ZC3H12C: variants seen among roughly 807,000 people sequenced by gnomAD.
ZC3H12C encodes probable ribonuclease ZC3H12C.
A neutral mutation model predicts 76.3 loss-of-function variants in ZC3H12C; 20 were observed. That is an observed-to-expected ratio of 0.26 (90% CI 0.18 to 0.38). ZC3H12C has a LOEUF of 0.38. ZC3H12C is among the 10% of genes least tolerant of loss of function. The probability of loss-of-function intolerance (pLI) is 1.00; values close to 1 mark genes in which losing one functional copy is unlikely to be tolerated. For synonymous variants in ZC3H12C, 352 were observed against 399.6 expected, an observed-to-expected ratio of 0.88 and a Z score of 1.42; for missense variants, 874 against 1,086.5, an observed-to-expected ratio of 0.80 and a Z score of 2.75.
chr11:110,104,416 T>C (rs1861281255), intron 1 of ZC3H12C, among the ~76,000 whole-genome samples: 1 of 152,210 alleles, frequency 6.6e-6, no homozygotes, highest in Non-Finnish European at 1.5e-5. Flanking sequence ...GTCTCCTTGA[T>C]GTTAGCTGTT....
chr11:110,124,561 C>A (rs1845847696), intron 1 of ZC3H12C, among the ~76,000 whole-genome samples: 1 of 152,184 alleles, frequency 6.6e-6, no homozygotes, highest in Non-Finnish European at 1.5e-5. Flanking sequence ...GCAATAAAAA[C>A]CGAACTAGTC....
Position 110,136,912 on chromosome 11 carries a change from G to A in ZC3H12C, c.271G>A (p.Glu91Lys), listed in dbSNP as rs758720104. 11 of 1,613,554 alleles carry A rather than the reference G, an allele frequency of 6.8e-6. No individual in the cohort carries two copies. In the Admixed American group the frequency reaches 1.8e-4, roughly 27 times the overall value. ...AGAGAATGCAAGCTCTGGTGACTCT[G>A]AAGAAAACACAAATTCTGATCATGA... ...SEENASSGDS[E>K]ENTNSDHESE... The change falls in exon 2 of 6, where the codon GAA (glutamate) becomes AAA (lysine). Residue 91 changes from glutamate to lysine, a missense_variant. Physicochemically the swap from Glu to Lys is moderately conservative, Grantham distance 56. Coordinates refer to ENST00000278590, the MANE Select transcript of ZC3H12C (RefSeq NM_033390.2).
At chr11:110,126,191 T>TAGGAAA (rs1345779155) in intron 1 of ZC3H12C, among the ~76,000 whole-genome samples, 1 of 150,822 alleles carries the variant, frequency 6.6e-6, no homozygotes, top group Non-Finnish European at 1.5e-5. Context: ...AGGATTTGAA[T>TAGGAAA]AGGAAAAGTA....
intron 1 of ZC3H12C, among the ~76,000 whole-genome samples, chr11:110,116,346 T>C (rs11213273): frequency 0.044 from 6,763 of 152,306 alleles, 472 homozygotes; most frequent in Admixed American, 0.18. Flanking sequence ...TTTTCCAAAC[T>C]AAATGTTATT....
intron 1 of ZC3H12C, 142 bp downstream of exon 1, chr11:110,093,574 C>T (rs1175566590): frequency 3.9e-5 from 21 of 539,402 alleles, no homozygotes; most frequent in East Asian, 5.7e-5. Context: ...CGTGTGATCT[C>T]CAGGCCCAGG....
At chr11:110,106,625 A>C (rs1861334368) in intron 1 of ZC3H12C, among the ~76,000 whole-genome samples, 1 of 152,224 alleles carries the variant, frequency 6.6e-6, no homozygotes, top group Non-Finnish European at 1.5e-5. Context: ...TATATATCGA[A>C]GCACTTAAAT....
At chr11:110,113,454 AAG>A (rs140529755) in intron 1 of ZC3H12C, among the ~76,000 whole-genome samples, 6,807 of 152,280 alleles carry the variant, frequency 0.045, 476 homozygotes, top group Admixed American at 0.18. Context: ...TGTTAGTAAA[AAG>A]CACATATTTT....
In ZC3H12C at chr11:110,136,837, C is replaced by T. The variant is rs772607446; in HGVS notation, c.196C>T (p.Pro66Ser). The T allele has an allele frequency of 2.5e-6, 4 of 1,613,782 alleles. No homozygotes were observed. The highest frequency in any genetic ancestry group is 1.7e-5 in the Admixed American group (1 of 59,974). ...TGTACCTTGGTCAACAGTAGAAAAC[C>T]CAAGTATGGATACCGTTAATGTGGG... The part of the protein sequence containing the change: ...PAVPWSTVEN[P>S]SMDTVNVGKD... Residue 66 changes from proline (P) to serine (S), a missense_variant, in exon 2 of 6, where the codon CCA becomes TCA. Transcript: ENST00000278590.
chr11:110,127,093 T>G (rs1301169527), intron 1 of ZC3H12C, among the ~76,000 whole-genome samples: 1 of 152,182 alleles, frequency 6.6e-6, no homozygotes, highest in African/African-American at 2.4e-5. Flanking sequence ...GTGGCATGGT[T>G]TCATGGACAG....
At chr11:110,093,685 C>T (rs984483576) in intron 1 of ZC3H12C, among the ~76,000 whole-genome samples, 3 of 152,032 alleles carry the variant, frequency 2.0e-5, no homozygotes, top group Non-Finnish European at 4.4e-5. Flanking sequence ...CCGTCCCCGC[C>T]GGGATTTCGG....
intron 1 of ZC3H12C, among the ~76,000 whole-genome samples, chr11:110,094,612 T>C (rs1219620768): frequency 6.6e-6 from 1 of 152,240 alleles, no homozygotes; most frequent in Non-Finnish European, 1.5e-5. Flanking sequence ...TTTAATCACA[T>C]GTACAATTAA....
At chr11:110,117,665 C>CAT (rs1309815719) in intron 1 of ZC3H12C, among the ~76,000 whole-genome samples, 5 of 141,562 alleles carry the variant, frequency 3.5e-5, no homozygotes, top group Admixed American at 7.4e-5. Flanking sequence ...CACACACACA[C>CAT]ATATATATAT....
intron 1 of ZC3H12C, among the ~76,000 whole-genome samples, chr11:110,116,633 T>C (rs527450462): frequency 2.6e-5 from 4 of 152,330 alleles, no homozygotes; most frequent in African/African-American, 7.2e-5. Context: ...CAATCAGGTT[T>C]TCTATTTTTC....
chr11:110,119,673 G>C (rs1228533616), intron 1 of ZC3H12C, among the ~76,000 whole-genome samples: 2 of 152,062 alleles, frequency 1.3e-5, no homozygotes, highest in Non-Finnish European at 2.9e-5. Context: ...GAAATGTATT[G>C]CTCACAGTTC....
chr11:110,165,597 C>G lies in ZC3H12C; in HGVS notation c.2512C>G (p.Arg838Gly), dbSNP rs1268886207. The change falls in exon 6 of 6, where the codon CGA becomes GGA. Residue 838 changes from arginine (R) to glycine (G), a missense_variant. This residue lies in a region of ZC3H12C where 395 missense variants were observed against 434.4 expected (regional missense o/e 0.91). Coordinates refer to ENST00000278590, the MANE Select transcript of ZC3H12C (RefSeq NM_033390.2). ...AGATCCCCCGAGGTATCAAGACAAC[C>G]GAGAAAAGATTTATATCAATTTGTG... ...PQDPPRYQDNREKIYINLCNI... is the reference protein window; with the variant it reads ...PQDPPRYQDNGEKIYINLCNI... 6.2e-7 allele frequency: 1 copy of G among 1,606,900 alleles called. No homozygotes were observed. The highest frequency in any genetic ancestry group is 1.3e-5 in the African/African-American group (1 of 74,846).
At chr11:110,132,530 G>C (rs1169725484) in intron 1 of ZC3H12C, among the ~76,000 whole-genome samples, 1 of 152,094 alleles carries the variant, frequency 6.6e-6, no homozygotes, top group Non-Finnish European at 1.5e-5. Flanking sequence ...TTCCAATACA[G>C]TATCTGGAAG....
At chr11:110,122,625 AG>A (rs1861671451) in intron 1 of ZC3H12C, among the ~76,000 whole-genome samples, 1 of 152,214 alleles carries the variant, frequency 6.6e-6, no homozygotes. Flanking sequence ...CTGTACTTCA[AG>A]TACACAGATA....
Position 110,153,075 on chromosome 11 carries a change from C to T in ZC3H12C, c.913+17C>T, listed in dbSNP as rs367546271. 94 of 1,606,476 alleles carry T rather than the reference C, an allele frequency of 5.9e-5. 1 individual carries two copies. The highest frequency in any genetic ancestry group is 5.8e-4 in the Admixed American group (34 of 58,618). On this transcript the variant is annotated intron_variant, in intron 3 of 5. Coordinates refer to ENST00000278590, the MANE Select transcript of ZC3H12C (RefSeq NM_033390.2). Reference sequence around the variant, plus strand: ...TCATTACAGGTAGGCTTATTCCAGGCGGCTGCTTGTACCTAGCTTTCCTAT... The same window carrying T: ...TCATTACAGGTAGGCTTATTCCAGGTGGCTGCTTGTACCTAGCTTTCCTAT...
chr11:110,139,242 A>C (rs1421114064), intron 2 of ZC3H12C, among the ~76,000 whole-genome samples: 1 of 150,976 alleles, frequency 6.6e-6, no homozygotes, highest in East Asian at 2.0e-4. Context: ...ACTACTTGCC[A>C]AGACAAAATG....
Sources: gnomAD v4.1 joint callset for allele counts (sites outside exome capture counted in the v4.1 genomes callset) on GRCh38, gnomAD v4.1.1 for gene constraint, gnomAD v4.1.1 regional missense constraint, MANE v1.5 for transcripts, NCBI Gene and HGNC (gene_info 2026-07-23, HGNC 2026-07-21) for gene names.